Variants in NLGN3 observed in about 807,000 individuals in gnomAD.
NLGN3 encodes neuroligin 3, also known as neuroligin-3.
NLGN3 carries 11 observed loss-of-function variants against 42.9 expected under a neutral mutation model. The ratio of observed to expected loss-of-function variants is 0.26; its 90% CI spans 0.16 to 0.42. The LOEUF is 0.42. Ranked by LOEUF, NLGN3 falls within the 10% of genes least tolerant of loss-of-function variation. NLGN3 has a pLI of 1.00. For synonymous variants in NLGN3, 279 were observed against 312.7 expected (o/e 0.89, Z 1.14); for missense variants, 374 against 733.8 (o/e 0.51, Z 5.67).
At chrX:71,155,947 C>A (rs751522946) in intron 5 of NLGN3, among the ~76,000 whole-genome samples, 253 of 110,895 alleles carry the variant, frequency 2.3e-3, no homozygotes, top group Non-Finnish European at 3.9e-3. Flanking sequence ...CTCTCCAGAA[C>A]ACATATCCAC....
intron 3 of NLGN3, among the ~76,000 whole-genome samples, chrX:71,150,486 G>A (rs187839554): frequency 2.0e-4 from 22 of 111,194 alleles, no homozygotes; most frequent in African/African-American, 5.9e-4. Flanking sequence ...TGGATCACGA[G>A]GTCAGGAGAT....
intron 1 of NLGN3, among the ~76,000 whole-genome samples, chrX:71,145,782 T>G (rs2092364071): frequency 1.7e-5 from 1 of 58,573 alleles, no homozygotes; most frequent in Non-Finnish European, 3.2e-5. Context: ...AATTTGTGGG[T>G]TGGGGGCAGC....
chrX:71,157,581 C>T (rs1465891092), intron 5 of NLGN3, among the ~76,000 whole-genome samples: 2 of 111,028 alleles, frequency 1.8e-5, no homozygotes, highest in Non-Finnish European at 3.8e-5. Context: ...GCCTCAGCCT[C>T]CCAAAGTGCT....
At chrX:71,153,565 T>C (rs2092398284) in intron 4 of NLGN3, 29 bp downstream of exon 4, 4 of 1,161,412 alleles carry the variant, frequency 3.4e-6, no homozygotes, top group Non-Finnish European at 4.7e-6. Flanking sequence ...GCGCGGCGGC[T>C]GGTGCATGGC....
At chrX:71,169,164 G>A in intron 7 of NLGN3, 90 bp from the exon 8 acceptor site, 1 of 1,053,419 alleles carries the variant, frequency 9.5e-7, no homozygotes, top group Non-Finnish European at 1.3e-6. Flanking sequence ...TTCTAAACTG[G>A]GAAAGAGGTT....
In NLGN3 at chrX:71,148,064, G is replaced by A. The variant is rs762671186; in HGVS notation, c.315G>A (p.Val105=). Residue 105 remains valine (V), a synonymous_variant, in exon 2 of 8, where the codon GTG becomes GTA. Transcript: ENST00000358741. ...GGAACGCCACACACTTTCCCCCAGT[G>A]TGCCCCCAGAACATCCACACAGCTG... ...GIRNATHFPP[V]CPQNIHTAVP... 4 of 1,210,017 alleles carry A rather than the reference G, an allele frequency of 3.3e-6. No individual in the cohort carries two copies. The highest frequency in any genetic ancestry group is 4.5e-6 in the Non-Finnish European group (4 of 894,527).
chrX:71,163,166 G>A (rs1011104742), intron 5 of NLGN3, among the ~76,000 whole-genome samples: 5 of 110,879 alleles, frequency 4.5e-5, no homozygotes, highest in African/African-American at 1.6e-4. Context: ...CCAGCAGGTG[G>A]GTGGGAAGGT....
intron 5 of NLGN3, among the ~76,000 whole-genome samples, chrX:71,158,839 CG>C (rs2092419111): frequency 9.0e-6 from 1 of 111,555 alleles, no homozygotes; most frequent in South Asian, 3.7e-4. Context: ...GTGAGCATTC[CG>C]TATGATATCC....
chrX:71,155,427 T>G (rs2092405471), intron 5 of NLGN3, 64 bp downstream of exon 5: 2 of 1,160,560 alleles, frequency 1.7e-6, no homozygotes, highest in African/African-American at 1.8e-5. Context: ...GAAAGAATGC[T>G]GGAGAATTTA....
At chrX:71,168,152 C>T (rs1475802424) in intron 7 of NLGN3, among the ~76,000 whole-genome samples, 1 of 109,773 alleles carries the variant, frequency 9.1e-6, no homozygotes, top group East Asian at 2.9e-4. Flanking sequence ...CAAGACCAGC[C>T]ACGGCAACAT....
rs200831377 is a variant in NLGN3 at position 71,159,320 on chromosome X, C to CA, written c.727+3967dup. The stretch of plus-strand genomic sequence containing the variant: ...TGGGCAACAGAGTGAGACTCCATCT[C>CA]AAAAAAAAAAGAAAAGGAAAAAGAA... On this transcript the variant is annotated intron_variant, in intron 5 of 7. Transcript: ENST00000358741. 4.9e-3 allele frequency among the ~76,000 whole-genome samples: 440 copies of CA among 89,335 alleles called. 1 individual carries two copies. The highest frequency in any genetic ancestry group is 9.8e-3 in the South Asian group (20 of 2,041). 77.6% of individuals were successfully genotyped at this position (89,335 alleles called of 115,157 possible).
rs995424493 is a variant in NLGN3 at position 71,156,723 on chromosome X, C to T, written c.727+1360C>T. On this transcript the variant is annotated intron_variant, in intron 5 of 7. Coordinates refer to ENST00000358741, the MANE Select transcript of NLGN3 (RefSeq NM_181303.2). ...CACACTTCCTTACCCCGTATATGCA[C>T]ACGTACACACTCTTTGTACTCTAAG... Among the ~76,000 whole-genome samples, 4 of 110,671 alleles carry T rather than the reference C, an allele frequency of 3.6e-5. No individual in the cohort carries two copies. The East Asian group carries it at 1.1e-3, about 31-fold the overall frequency.
intron 6 of NLGN3, among the ~76,000 whole-genome samples, chrX:71,166,768 C>G (rs1367437222): frequency 9.0e-6 from 1 of 111,630 alleles, no homozygotes; most frequent in African/African-American, 3.3e-5. Flanking sequence ...TTAATTCTTC[C>G]TGACATTGCC....
At position 71,169,489 on chromosome X, in the gene NLGN3, G is replaced by A; in HGVS notation, c.1939G>A (p.Val647Met). The change falls in exon 8 of 8, where the codon GTG (valine) becomes ATG (methionine). Residue 647 changes from valine (V) to methionine (M), a missense_variant. Coordinates refer to ENST00000358741, the MANE Select transcript of NLGN3 (RefSeq NM_181303.2). ...MFHYTSTTTKVPPPDTTHSSH... is the reference protein window; with the variant it reads ...MFHYTSTTTKMPPPDTTHSSH... Reference sequence around the variant, plus strand: ...CCACTATACGTCCACCACCACCAAAGTGCCGCCTCCGGATACCACCCACAG... The same window carrying A: ...CCACTATACGTCCACCACCACCAAAATGCCGCCTCCGGATACCACCCACAG... The A allele has an allele frequency of 1.7e-6, 2 of 1,211,740 alleles. No individual in the cohort carries two copies. The highest frequency in any genetic ancestry group is 2.2e-6 in the Non-Finnish European group (2 of 895,468).
At chrX:71,152,170 G>T (rs991639336) in intron 3 of NLGN3, among the ~76,000 whole-genome samples, 4 of 110,819 alleles carry the variant, frequency 3.6e-5, no homozygotes, top group African/African-American at 1.3e-4. Flanking sequence ...TGGCAGCACA[G>T]CCCCCTCTGT....
Position 71,164,060 on chromosome X carries a change from C to A in NLGN3, c.728-83C>A, listed in dbSNP as rs771198084. ...GCGTGCTCATTCTCTATTCCCACCT[C>A]CCCTGTTGACCCTGCCTGCCGTCAT... is the stretch of plus-strand genomic sequence containing the variant. On this transcript the variant is annotated intron_variant, in intron 5 of 7. Coordinates refer to ENST00000358741, the MANE Select transcript of NLGN3 (RefSeq NM_181303.2). 1.1e-5 allele frequency: 10 copies of A among 898,690 alleles called. No homozygotes were observed. In the East Asian group the frequency reaches 2.9e-4, roughly 26 times the overall value. 74.1% of individuals were successfully genotyped at this position (898,690 alleles called of 1,213,427 possible).
chrX:71,169,921 G>A lies in NLGN3; in HGVS notation c.2371G>A (p.Asp791Asn), dbSNP rs771685352. The A allele has an allele frequency of 3.3e-6, 4 of 1,202,306 alleles. No homozygotes were observed. Among genetic ancestry groups the A allele is most frequent in the Non-Finnish European group, 3.4e-6 (3 of 890,947 alleles). ...HDTLRLTALP[D>N]YTLTLRRSPD... is the part of the protein sequence containing the mutation. ...CACGCTGCGCCTCACTGCATTGCCC[G>A]ACTACACCCTGACCCTGCGGCGCTC... is the stretch of plus-strand genomic sequence containing the variant. Residue 791 changes from aspartate (D) to asparagine (N), a missense_variant, in exon 8 of 8, where the codon GAC becomes AAC. By Grantham distance (23) the Asp-to-Asn change is conservative (BLOSUM62 1). This residue lies in a region of NLGN3 where 92 missense variants were observed against 108.0 expected (regional missense o/e 0.85). Transcript: ENST00000358741.
chrX:71,149,578 C>T (rs1266985702), intron 3 of NLGN3, among the ~76,000 whole-genome samples: 1 of 112,220 alleles, frequency 8.9e-6, no homozygotes, highest in African/African-American at 3.2e-5. Flanking sequence ...TTCATGTTTT[C>T]TGTAAAGTGC....
At chrX:71,152,387 C>T (rs2092394282) in intron 3 of NLGN3, among the ~76,000 whole-genome samples, 1 of 109,879 alleles carries the variant, frequency 9.1e-6, no homozygotes, top group African/African-American at 3.3e-5. Context: ...CACTGCTTTT[C>T]TCATCTATTT....
Sources: gnomAD v4.1 joint callset for allele counts (sites outside exome capture counted in the v4.1 genomes callset) on GRCh38, gnomAD v4.1.1 for gene constraint, gnomAD v4.1.1 regional missense constraint, MANE v1.5 for transcripts, NCBI Gene and HGNC (gene_info 2026-07-23, HGNC 2026-07-21) for gene names.